Variants in NEGR1 observed in about 807,000 individuals in gnomAD.
NEGR1 encodes the protein IgLON family member 4.
A neutral mutation model predicts 40.9 loss-of-function variants in NEGR1; 10 were observed. The observed-to-expected ratio is 0.24, with a 90% CI of 0.15 to 0.42. NEGR1 has a LOEUF of 0.42. Ranked by LOEUF, NEGR1 falls within the 10% of genes least tolerant of loss-of-function variation. NEGR1 has a pLI of 1.00. For missense variants in NEGR1, 352 were observed against 438.9 expected, an observed-to-expected ratio of 0.80 and a Z score of 1.77; for synonymous variants, 185 against 166.8, an observed-to-expected ratio of 1.11 and a Z score of -0.84.
chr1:71,642,242 T>C (rs537723735), intron 4 of NEGR1, among the ~76,000 whole-genome samples: 9 of 152,038 alleles, frequency 5.9e-5, no homozygotes, highest in African/African-American at 2.2e-4. Context: ...GAGTGTAATA[T>C]GGCCAGGAGA....
chr1:71,680,590 CT>C (rs1171454327), intron 4 of NEGR1, among the ~76,000 whole-genome samples: 2 of 152,040 alleles, frequency 1.3e-5, no homozygotes, highest in African/African-American at 2.4e-5. Context: ...TCCTTTTCCA[CT>C]GTATGTTCAT....
chr1:71,809,296 C>T (rs1013286110), intron 2 of NEGR1, among the ~76,000 whole-genome samples: 1 of 152,074 alleles, frequency 6.6e-6, no homozygotes, highest in Non-Finnish European at 1.5e-5. Context: ...TATAATAGGC[C>T]TTGGTCTCAT....
At chr1:71,861,308 A>C (rs188331858) in intron 2 of NEGR1, among the ~76,000 whole-genome samples, 16 of 152,142 alleles carry the variant, frequency 1.1e-4, no homozygotes, top group African/African-American at 3.6e-4. Flanking sequence ...GGCATACAGG[A>C]AACACCATAC....
At chr1:71,560,499 C>T (rs1202105272) in intron 6 of NEGR1, among the ~76,000 whole-genome samples, 1 of 142,100 alleles carries the variant, frequency 7.0e-6, no homozygotes, top group East Asian at 2.2e-4. Flanking sequence ...TCTAAGAAAA[C>T]TGCTATCAGA....
chr1:72,061,835 T>C (rs1647180099), intron 1 of NEGR1, among the ~76,000 whole-genome samples: 1 of 151,806 alleles, frequency 6.6e-6, no homozygotes, highest in African/African-American at 2.4e-5. Flanking sequence ...GTCACTCCAT[T>C]ATGCCACTGG....
chr1:71,579,719 A>C (rs1649073991), intron 6 of NEGR1, among the ~76,000 whole-genome samples: 1 of 151,752 alleles, frequency 6.6e-6, no homozygotes, highest in Admixed American at 6.6e-5. Context: ...AGGTTAGAGG[A>C]AAGATAACAA....
intron 1 of NEGR1, among the ~76,000 whole-genome samples, chr1:72,078,239 C>T (rs1467364671): frequency 2.0e-5 from 3 of 152,060 alleles, no homozygotes; most frequent in South Asian, 2.1e-4. Flanking sequence ...AGTGTATTTG[C>T]ATGTAAACAT....
intron 3 of NEGR1, among the ~76,000 whole-genome samples, chr1:71,729,756 T>C (rs1006455525): frequency 6.6e-6 from 1 of 152,044 alleles, no homozygotes; most frequent in Non-Finnish European, 1.5e-5. Flanking sequence ...CACCTCAGCC[T>C]CCCTAGTAGC....
intron 1 of NEGR1, among the ~76,000 whole-genome samples, chr1:72,057,928 C>G (rs1319407509): frequency 6.6e-6 from 1 of 151,524 alleles, no homozygotes; most frequent in Non-Finnish European, 1.5e-5. Flanking sequence ...CCTAAAAGCC[C>G]TATCCGCAAA....
chr1:71,705,928 A>G (rs1653880708), intron 3 of NEGR1, among the ~76,000 whole-genome samples: 1 of 98,810 alleles, frequency 1.0e-5, no homozygotes, highest in South Asian at 5.1e-4. Context: ...ACAGCAGAAT[A>G]GAAAGCTCCA....
At chr1:71,922,532 T>C (rs1645730808) in intron 2 of NEGR1, among the ~76,000 whole-genome samples, 1 of 152,230 alleles carries the variant, frequency 6.6e-6, no homozygotes, top group Admixed American at 6.5e-5. Context: ...ATTTGTTATA[T>C]CCTTTTCACA....
intron 4 of NEGR1, among the ~76,000 whole-genome samples, chr1:71,681,292 T>G (rs1024349550): frequency 6.6e-6 from 1 of 152,256 alleles, no homozygotes; most frequent in East Asian, 1.9e-4. Flanking sequence ...ATGCAAACAT[T>G]TATGTCAAAT....
intron 1 of NEGR1, among the ~76,000 whole-genome samples, chr1:72,197,408 T>G (rs1653038828): frequency 6.6e-6 from 1 of 152,070 alleles, no homozygotes; most frequent in South Asian, 2.1e-4. Context: ...TTATATTTTA[T>G]ATTTTGAACT....
intron 1 of NEGR1, among the ~76,000 whole-genome samples, chr1:72,071,019 T>C (rs1460273446): frequency 6.6e-6 from 1 of 151,994 alleles, no homozygotes; most frequent in Admixed American, 6.6e-5. Context: ...CCCATAAAAG[T>C]AAGTGGAACA....
At chr1:71,634,031 T>C (rs1223455540) in intron 4 of NEGR1, among the ~76,000 whole-genome samples, 3 of 152,158 alleles carry the variant, frequency 2.0e-5, no homozygotes, top group East Asian at 1.9e-4. Context: ...GATGGATCCA[T>C]TGTTTTTTGG....
intron 1 of NEGR1, among the ~76,000 whole-genome samples, chr1:72,141,207 T>C (rs915358009): frequency 1.3e-5 from 2 of 151,958 alleles, no homozygotes; most frequent in Non-Finnish European, 2.9e-5. Context: ...TATTATAATA[T>C]AGGCCATAAA....
intron 1 of NEGR1, among the ~76,000 whole-genome samples, chr1:72,234,312 G>A (rs996456286): frequency 6.6e-6 from 1 of 152,032 alleles, no homozygotes; most frequent in African/African-American, 2.4e-5. Context: ...AAAGGATATA[G>A]TCTTGTTCTT....
At position 71,550,787 on chromosome 1, in the gene NEGR1, G is replaced by C. The variant is rs564256378; in HGVS notation, c.940+42030C>G. On this transcript the variant is annotated intron_variant, in intron 6 of 6. Coordinates refer to ENST00000357731, the MANE Select transcript of NEGR1 (RefSeq NM_173808.3). ...ATCTACCCATAGGGTAAGGGCAACA[G>C]TCAAATTGTAGGAAAGGATTTAAGG... Among the ~76,000 whole-genome samples, 6 of 151,694 alleles carry C rather than the reference G, an allele frequency of 4.0e-5. No individual in the cohort carries two copies. In the South Asian group the frequency reaches 1.2e-3, roughly 31 times the overall value.
intron 1 of NEGR1, among the ~76,000 whole-genome samples, chr1:72,255,477 C>A (rs1211933547): frequency 5.3e-5 from 8 of 151,850 alleles, no homozygotes; most frequent in Non-Finnish European, 7.4e-5. Flanking sequence ...TGTTGATATA[C>A]TCTGACCCTT....
Sources: allele counts gnomAD v4.1 joint callset (sites outside exome capture counted in the v4.1 genomes callset), GRCh38; gene constraint gnomAD v4.1.1; transcripts MANE v1.5; gene names NCBI Gene and HGNC (gene_info 2026-07-23, HGNC 2026-07-21).